PEAK1: variants seen among roughly 807,000 people sequenced by gnomAD.
PEAK1 encodes inactive tyrosine-protein kinase PEAK1.
A neutral mutation model predicts 124.7 loss-of-function variants in PEAK1; 54 were observed. The observed-to-expected ratio is 0.43, with a 90% CI of 0.35 to 0.54. PEAK1 has a LOEUF of 0.54. Ranked by LOEUF, PEAK1 falls within the 20% of genes least tolerant of loss-of-function variation. PEAK1 has a pLI of 0.01. For synonymous variants in PEAK1, 719 were observed against 760.0 expected, an observed-to-expected ratio of 0.95 and a Z score of 0.89; for missense variants, 2,046 against 2,134.5, an observed-to-expected ratio of 0.96 and a Z score of 0.82.
intron 6 of PEAK1, among the ~76,000 whole-genome samples, chr15:77,230,295 G>C (rs1211302356): frequency 1.3e-5 from 2 of 151,522 alleles, no homozygotes; most frequent in African/African-American, 4.9e-5. Context: ...CACCACAGCT[G>C]TTCAAGTGAT....
chr15:77,179,804 T>A lies in PEAK1; in HGVS notation c.2123A>T (p.Glu708Val). 1 of 1,614,156 alleles carries A rather than the reference T, an allele frequency of 6.2e-7. No individual in the cohort carries two copies. The highest frequency in any genetic ancestry group is 1.6e-4 in the Middle Eastern group (1 of 6,062). The change falls in exon 7 of 10, where the codon GAG (glutamate) becomes GTG (valine). Residue 708 changes from glutamate (E) to valine (V), a missense_variant. Physicochemically the swap from Glu to Val is moderately radical, Grantham distance 121. Coordinates refer to ENST00000682557, the MANE Select transcript of PEAK1 (RefSeq NM_001385026.1). The stretch of plus-strand genomic sequence containing the variant: ...ACCTCTGTTGAGACAGTTGTTAAAC[T>A]CTTGAACCTTCTGAGCCACTGAGCC... ...KRGSVAQKVQ[E>V]FNNCLNRGQS...
chr15:77,336,178 A>G (rs1427858263), intron 2 of PEAK1: 30 of 985,324 alleles, frequency 3.0e-5, no homozygotes, highest in Non-Finnish European at 3.5e-5. Flanking sequence ...TACTTGTTCT[A>G]CAACCACAGA....
At chr15:77,293,030 C>T (rs2063303029) in intron 2 of PEAK1, among the ~76,000 whole-genome samples, 1 of 152,256 alleles carries the variant, frequency 6.6e-6, no homozygotes, top group Admixed American at 6.5e-5. Flanking sequence ...TGCTGTATTA[C>T]TCTAATCCTG....
intron 2 of PEAK1, among the ~76,000 whole-genome samples, chr15:77,306,644 C>T (rs1463743726): frequency 1.3e-5 from 2 of 152,038 alleles, no homozygotes; most frequent in East Asian, 3.8e-4. Flanking sequence ...TCTTTTGTCT[C>T]GGCTGCTTTC....
At chr15:77,237,939 C>T (rs2060195623) in intron 6 of PEAK1, among the ~76,000 whole-genome samples, 1 of 152,112 alleles carries the variant, frequency 6.6e-6, no homozygotes, top group South Asian at 2.1e-4. Context: ...TTGTAAACAG[C>T]AAACATTTTT....
At chr15:77,337,177 G>T in intron 2 of PEAK1, 1 of 984,928 alleles carries the variant, frequency 1.0e-6, no homozygotes, top group Non-Finnish European at 1.2e-6. Context: ...TGAAGTTTGA[G>T]AAGCAGGTAG....
intron 2 of PEAK1, among the ~76,000 whole-genome samples, chr15:77,287,585 C>T (rs1385536577): frequency 2.0e-5 from 3 of 152,126 alleles, no homozygotes; most frequent in African/African-American, 4.8e-5. Context: ...TCCCTTTCCT[C>T]CTAGGGTTCA....
At chr15:77,184,966 A>G (rs2057467117) in intron 6 of PEAK1, among the ~76,000 whole-genome samples, 1 of 152,204 alleles carries the variant, frequency 6.6e-6, no homozygotes. Context: ...TGACTTTAAA[A>G]AGACAGCTCT....
At chr15:77,232,418 CACT>C (rs2059946531) in intron 6 of PEAK1, among the ~76,000 whole-genome samples, 2 of 152,054 alleles carry the variant, frequency 1.3e-5, no homozygotes, top group Admixed American at 1.3e-4. Flanking sequence ...AGAATCCAAT[CACT>C]TCTTTCTATA....
chr15:77,130,538 T>G (rs1476280790), intron 9 of PEAK1, among the ~76,000 whole-genome samples: 1 of 152,204 alleles, frequency 6.6e-6, no homozygotes. Flanking sequence ...AAACATACAT[T>G]CTGTCTTGAT....
intron 3 of PEAK1, among the ~76,000 whole-genome samples, chr15:77,285,356 G>T (rs2062870603): frequency 6.6e-6 from 1 of 152,244 alleles, no homozygotes; most frequent in South Asian, 2.1e-4. Context: ...GAGGAATAGA[G>T]AATACTCTCC....
At chr15:77,281,197 A>G (rs968848439) in intron 5 of PEAK1, among the ~76,000 whole-genome samples, 3 of 152,166 alleles carry the variant, frequency 2.0e-5, no homozygotes, top group Non-Finnish European at 2.9e-5. Flanking sequence ...TTATTATATC[A>G]GACCATGTCT....
chr15:77,235,210 G>C (rs913511945), intron 6 of PEAK1, among the ~76,000 whole-genome samples: 2 of 151,990 alleles, frequency 1.3e-5, no homozygotes, highest in Admixed American at 1.3e-4. Flanking sequence ...CAAGGTCACA[G>C]GGGACTGCTG....
At chr15:77,366,834 T>C (rs561498620) in intron 1 of PEAK1, among the ~76,000 whole-genome samples, 1 of 152,272 alleles carries the variant, frequency 6.6e-6, no homozygotes, top group African/African-American at 2.4e-5. Flanking sequence ...AGTGCTGGGA[T>C]TACAGGCATG....
chr15:77,303,614 G>A (rs920210337), intron 2 of PEAK1, among the ~76,000 whole-genome samples: 6 of 152,098 alleles, frequency 3.9e-5, no homozygotes, highest in Non-Finnish European at 8.8e-5. Context: ...TCATTGTTGA[G>A]TCTTAAGAGT....
intron 6 of PEAK1, among the ~76,000 whole-genome samples, chr15:77,199,469 A>AAC (rs2058259790): frequency 6.6e-6 from 1 of 152,214 alleles, no homozygotes; most frequent in African/African-American, 2.4e-5. Flanking sequence ...TGATAGAGAG[A>AAC]ACACCATGAA....
chr15:77,291,487 G>A (rs940595147), intron 2 of PEAK1, among the ~76,000 whole-genome samples: 5 of 151,890 alleles, frequency 3.3e-5, no homozygotes, highest in East Asian at 1.9e-4. Flanking sequence ...AGAAACTGGC[G>A]GCCCACCAAT....
intron 9 of PEAK1, among the ~76,000 whole-genome samples, chr15:77,117,735 G>T (rs572947366): frequency 1.3e-5 from 2 of 152,268 alleles, no homozygotes; most frequent in African/African-American, 2.4e-5. Context: ...CTAAAGCTAT[G>T]AGAGAGAATT....
At chr15:77,170,886 T>G (rs1467504635) in intron 7 of PEAK1, among the ~76,000 whole-genome samples, 4 of 151,884 alleles carry the variant, frequency 2.6e-5, no homozygotes, top group African/African-American at 7.3e-5. Flanking sequence ...CACCAAAGAG[T>G]TGCAGAAATG....
Sources: allele counts gnomAD v4.1 joint callset (sites outside exome capture counted in the v4.1 genomes callset), GRCh38; gene constraint gnomAD v4.1.1; transcripts MANE v1.5; gene names NCBI Gene and HGNC (gene_info 2026-07-23, HGNC 2026-07-21).